ATP6V1H: variants seen among roughly 807,000 people sequenced by gnomAD.
ATP6V1H encodes the protein ATPase H+ transporting V1 subunit H.
Under a neutral mutation model 71.7 loss-of-function variants are expected in ATP6V1H, and 39 were observed. The ratio of observed to expected loss-of-function variants is 0.54; its 90% CI spans 0.42 to 0.71. ATP6V1H has a LOEUF of 0.71. Ranked by LOEUF, ATP6V1H falls within the 30% of genes least tolerant of loss-of-function variation. The pLI, the probability that ATP6V1H is intolerant of heterozygous loss-of-function variation, is 0.00. For synonymous variants in ATP6V1H, 192 were observed against 199.3 expected, an observed-to-expected ratio of 0.96 and a Z score of 0.31; for missense variants, 509 against 594.9, an observed-to-expected ratio of 0.86 and a Z score of 1.50.
chr8:53,737,952 T>C lies in ATP6V1H; in HGVS notation c.1391+5625A>G, dbSNP rs187810162. On this transcript the variant is annotated intron_variant, in intron 13 of 13. Transcript: ENST00000359530. ...CATTTCCATTAGCTATAAAACATTTTTTCCCCCATCATGACTTAACATCTG... is the reference window on the plus strand; with the variant it reads ...CATTTCCATTAGCTATAAAACATTTCTTCCCCCATCATGACTTAACATCTG... 2.2e-3 allele frequency among the ~76,000 whole-genome samples: 331 copies of C among 152,288 alleles called. 2 individuals are homozygous for C. Among genetic ancestry groups the C allele is most frequent in the Non-Finnish European group, 2.5e-3 (170 of 68,030 alleles).
At chr8:53,719,154 G>A (rs1373196972) in intron 13 of ATP6V1H, among the ~76,000 whole-genome samples, 1 of 152,030 alleles carries the variant, frequency 6.6e-6, no homozygotes, top group African/African-American at 2.4e-5. Context: ...TTCGAACTTG[G>A]CTTTTATGTA....
chr8:53,728,820 T>C (rs1170329645), intron 13 of ATP6V1H, among the ~76,000 whole-genome samples: 3 of 152,168 alleles, frequency 2.0e-5, no homozygotes, highest in African/African-American at 7.2e-5. Flanking sequence ...AGATAAACAC[T>C]TCACTCATCT....
intron 13 of ATP6V1H, among the ~76,000 whole-genome samples, chr8:53,734,543 T>G (rs929751604): frequency 6.6e-6 from 1 of 152,220 alleles, no homozygotes; most frequent in Non-Finnish European, 1.5e-5. Context: ...CAGTATGCCT[T>G]CTTAACCCTC....
intron 12 of ATP6V1H, among the ~76,000 whole-genome samples, chr8:53,755,514 T>A (rs141183462): frequency 1.3e-3 from 109 of 86,704 alleles, no homozygotes; most frequent in African/African-American, 4.5e-3. Context: ...GGGGTGGGGG[T>A]GGGAGTGGCG....
intron 9 of ATP6V1H, among the ~76,000 whole-genome samples, chr8:53,779,733 G>T (rs938111392): frequency 6.6e-6 from 1 of 151,794 alleles, no homozygotes; most frequent in African/African-American, 2.4e-5. Context: ...ACTTTCGATG[G>T]TCTTTCCCAG....
Position 53,796,700 on chromosome 8 carries a change from G to A in ATP6V1H, c.678-861C>T, listed in dbSNP as rs538201825. On this transcript the variant is annotated intron_variant, in intron 8 of 13. Transcript: ENST00000359530. ...TTACTAATAAAAATCTATTAACATT[G>A]GATCATCATTTGGAACAAATATACC... Among the ~76,000 whole-genome samples, 3 of 152,214 alleles carry A rather than the reference G, an allele frequency of 2.0e-5. No individual in the cohort carries two copies. The East Asian group carries it at 5.8e-4, about 29-fold the overall frequency.
chr8:53,767,534 A>G (rs1207746466), intron 11 of ATP6V1H, among the ~76,000 whole-genome samples: 1 of 152,150 alleles, frequency 6.6e-6, no homozygotes, highest in Non-Finnish European at 1.5e-5. Flanking sequence ...TTTTTTTATA[A>G]AAAGAAAAAA....
At chr8:53,784,912 T>TA (rs1201113575) in intron 9 of ATP6V1H, among the ~76,000 whole-genome samples, 1 of 152,222 alleles carries the variant, frequency 6.6e-6, no homozygotes, top group Non-Finnish European at 1.5e-5. Flanking sequence ...GATCCACTGT[T>TA]AGTCTGATGG....
At chr8:53,815,174 C>G (rs763814355) in intron 5 of ATP6V1H, among the ~76,000 whole-genome samples, 3 of 152,174 alleles carry the variant, frequency 2.0e-5, no homozygotes, top group Non-Finnish European at 2.9e-5. Flanking sequence ...TCATTCCAAG[C>G]CACTTGGGAG....
chr8:53,778,111 T>C (rs767771904), intron 9 of ATP6V1H, among the ~76,000 whole-genome samples: 2 of 152,164 alleles, frequency 1.3e-5, no homozygotes, highest in Non-Finnish European at 2.9e-5. Context: ...GGATGTGTAT[T>C]GTGACTCCAA....
intron 12 of ATP6V1H, among the ~76,000 whole-genome samples, chr8:53,749,100 G>C (rs748321117): frequency 1.3e-5 from 2 of 152,232 alleles, no homozygotes; most frequent in Non-Finnish European, 2.9e-5. Flanking sequence ...AGTCTAGTGA[G>C]ATAAACAGAC....
chr8:53,775,654 A>G (rs1322614826), intron 9 of ATP6V1H, among the ~76,000 whole-genome samples: 1 of 152,146 alleles, frequency 6.6e-6, no homozygotes, highest in African/African-American at 2.4e-5. Context: ...TGTGTTTACA[A>G]ACCTTGAGCT....
At chr8:53,783,773 T>G (rs1007421723) in intron 9 of ATP6V1H, among the ~76,000 whole-genome samples, 30 of 152,190 alleles carry the variant, frequency 2.0e-4, no homozygotes, top group African/African-American at 6.8e-4. Flanking sequence ...AAGAACATCT[T>G]TATTTCTGCC....
At chr8:53,748,956 A>G (rs1340863301) in intron 12 of ATP6V1H, among the ~76,000 whole-genome samples, 1 of 152,260 alleles carries the variant, frequency 6.6e-6, no homozygotes, top group Non-Finnish European at 1.5e-5. Flanking sequence ...GATATTTACC[A>G]GATAAAAAAG....
At chr8:53,762,043 TTGC>T (rs1808289268) in intron 11 of ATP6V1H, among the ~76,000 whole-genome samples, 3 of 152,192 alleles carry the variant, frequency 2.0e-5, no homozygotes, top group African/African-American at 7.2e-5. Context: ...GACTCAAACT[TTGC>T]TGCCTCATAT....
At chr8:53,811,765 T>G (rs752848888) in intron 6 of ATP6V1H, among the ~76,000 whole-genome samples, 4 of 152,176 alleles carry the variant, frequency 2.6e-5, no homozygotes, top group Non-Finnish European at 4.4e-5. Flanking sequence ...AAAGCAATAA[T>G]GAATTTCTGA....
intron 2 of ATP6V1H, among the ~76,000 whole-genome samples, chr8:53,838,369 T>TCGGCCTCG (rs1811231368): frequency 6.6e-6 from 1 of 152,170 alleles, no homozygotes. Flanking sequence ...TCCACCCACC[T>TCGGCCTCG]CGGCCTCGCA....
chr8:53,737,882 T>G (rs1807277427), intron 13 of ATP6V1H, among the ~76,000 whole-genome samples: 1 of 152,252 alleles, frequency 6.6e-6, no homozygotes, highest in Admixed American at 6.5e-5. Context: ...CTCCTCTTTT[T>G]GGTCAATTCC....
At chr8:53,837,494 GA>G (rs11313569) in intron 2 of ATP6V1H, among the ~76,000 whole-genome samples, 25,885 of 134,782 alleles carry the variant, frequency 0.19, 3,667 homozygotes, top group East Asian at 0.47. Context: ...AAATGCTATG[GA>G]AAAAAAAAAA....
Sources: allele counts gnomAD v4.1 joint callset (sites outside exome capture counted in the v4.1 genomes callset), GRCh38; gene constraint gnomAD v4.1.1; transcripts MANE v1.5; gene names NCBI Gene and HGNC (gene_info 2026-07-23, HGNC 2026-07-21).